INSL6: variants seen among roughly 807,000 people sequenced by gnomAD.
INSL6 encodes the protein insulin-like peptide INSL6.
INSL6 carries 16 observed loss-of-function variants against 9.4 expected under a neutral mutation model. That is an observed-to-expected ratio of 1.70 (90% CI 1.15 to 2.59). INSL6 has a LOEUF of 2.59. Among genes scored for constraint, INSL6 ranks in the 30% most tolerant of loss-of-function variants. The pLI, the probability that INSL6 is intolerant of heterozygous loss-of-function variation, is 0.00. For missense variants in INSL6, 391 were observed against 257.3 expected, an observed-to-expected ratio of 1.52 and a Z score of -3.56; for synonymous variants, 154 against 96.9, an observed-to-expected ratio of 1.59 and a Z score of -3.46.
chr9:5,130,817 C>T (rs375204625), intron 3 of INSL6, among the ~76,000 whole-genome samples: 137 of 151,584 alleles, frequency 9.0e-4, no homozygotes, highest in African/African-American at 3.3e-3. Context: ...CAAGCTCCGC[C>T]TCCCGGGTTC....
At chr9:5,053,071 C>T in the INSL6 span, among the ~76,000 whole-genome samples, 4 of 152,060 alleles carry the variant, frequency 2.6e-5, no homozygotes, top group Non-Finnish European at 5.9e-5. Flanking sequence ...AACTGCTTAA[C>T]TTTTCAAAAG....
the INSL6 span, among the ~76,000 whole-genome samples, chr9:5,014,265 G>C: frequency 4.7e-5 from 7 of 149,236 alleles, no homozygotes; most frequent in Non-Finnish European, 1.0e-4. Flanking sequence ...TGGCTTCCCA[G>C]AGTGCAGGGA....
the INSL6 span, among the ~76,000 whole-genome samples, chr9:5,025,550 T>TTC: frequency 6.6e-6 from 1 of 151,734 alleles, no homozygotes; most frequent in Non-Finnish European, 1.5e-5. Flanking sequence ...TTTTTTTTTT[T>TTC]TGAGACTGAG....
chr9:5,185,261 G>C, intron 1 of INSL6, 53 bp downstream of exon 1: 1 of 1,609,910 alleles, frequency 6.2e-7, no homozygotes, highest in Non-Finnish European at 8.5e-7. Context: ...AGCAAATGCA[G>C]GAATAAGAAA....
At chr9:5,093,533 A>C in the INSL6 span, among the ~76,000 whole-genome samples, 1 of 152,202 alleles carries the variant, frequency 6.6e-6, no homozygotes, top group Non-Finnish European at 1.5e-5. Context: ...AGAAGACCCC[A>C]TGGCACTTTA....
chr9:5,004,074 A>C, the INSL6 span, among the ~76,000 whole-genome samples: 2 of 152,188 alleles, frequency 1.3e-5, no homozygotes, highest in Non-Finnish European at 2.9e-5. Context: ...ATATGTATAC[A>C]TTGCAGAATG....
At chr9:5,029,997 C>G in the INSL6 span, 12 of 1,110,872 alleles carry the variant, frequency 1.1e-5, no homozygotes, top group African/African-American at 1.3e-4. Flanking sequence ...TACTTAATAC[C>G]AGATACCTGA....
At chr9:5,158,060 G>A (rs1824850264) in intron 2 of INSL6, among the ~76,000 whole-genome samples, 1 of 152,144 alleles carries the variant, frequency 6.6e-6, no homozygotes, top group South Asian at 2.1e-4. Flanking sequence ...ACATACTGAA[G>A]ATTGCATCAG....
the INSL6 span, among the ~76,000 whole-genome samples, chr9:5,069,484 A>G: frequency 6.6e-6 from 1 of 152,176 alleles, no homozygotes; most frequent in Non-Finnish European, 1.5e-5. Context: ...TCACTACTAA[A>G]TTCTTATGTT....
At position 5,164,091 on chromosome 9, in the gene INSL6, A is replaced by G; in HGVS notation, c.464T>C (p.Ile155Thr). 1.2e-6 allele frequency: 2 copies of G among 1,613,252 alleles called. No individual in the cohort carries two copies. Among genetic ancestry groups the G allele is most frequent in the Non-Finnish European group, 1.7e-6 (2 of 1,179,766 alleles). Reference sequence around the variant, plus strand: ...CCAAAACAAATTGCTTAAGGTTTTAATTTTGTTTCTACGTTTCTTCTGAAA... The same window carrying G: ...CCAAAACAAATTGCTTAAGGTTTTAGTTTTGTTTCTACGTTTCTTCTGAAA... ...AKFQKKRRNK[I>T]KTLSNLFWGH... is the part of the protein sequence containing the mutation. The change falls in exon 2 of 2, where the codon ATT becomes ACT. Residue 155 changes from isoleucine to threonine, a missense_variant. Ile to Thr is a moderately conservative substitution (Grantham distance 89). Transcript: ENST00000381641.
At chr9:5,039,152 G>A in the INSL6 span, among the ~76,000 whole-genome samples, 1 of 152,008 alleles carries the variant, frequency 6.6e-6, no homozygotes, top group Non-Finnish European at 1.5e-5. Context: ...GTAGATTCAG[G>A]GTAGGGAAAT....
At chr9:5,029,452 A>T in the INSL6 span, among the ~76,000 whole-genome samples, 2 of 152,244 alleles carry the variant, frequency 1.3e-5, no homozygotes, top group East Asian at 3.8e-4. Context: ...ACATAGGGAC[A>T]CAAAGTGAGC....
chr9:5,170,839 C>T lies in INSL6; in HGVS notation c.290-6574G>A, dbSNP rs373309848. On this transcript the variant is annotated intron_variant, in intron 1 of 1. Transcript: ENST00000381641. ...CTAATAACAAGTTCTGAAATTGAGG[C>T]AGTAATAAATAGTCTACCAACCAAA... Among the ~76,000 whole-genome samples the T allele has an allele frequency of 1.1e-4, 17 of 152,206 alleles. No individual in the cohort carries two copies. In the East Asian group the frequency reaches 2.5e-3, roughly 22 times the overall value.
At chr9:5,115,342 A>G in the INSL6 span, among the ~76,000 whole-genome samples, 1 of 152,332 alleles carries the variant, frequency 6.6e-6, no homozygotes, top group East Asian at 1.9e-4. Flanking sequence ...AGAGAAATGC[A>G]AATCAAAACC....
downstream of INSL6, among the ~76,000 whole-genome samples, chr9:5,120,417 G>C (rs1230942495): frequency 6.6e-6 from 1 of 152,168 alleles, no homozygotes; most frequent in Non-Finnish European, 1.5e-5. Context: ...TTTTGCCCAT[G>C]ATATCATTTT....
the INSL6 span, among the ~76,000 whole-genome samples, chr9:5,081,276 A>G: frequency 4.0e-5 from 6 of 151,600 alleles, no homozygotes; most frequent in African/African-American, 1.5e-4. Context: ...TTTTGCTTAA[A>G]TTGACTTTTA....
the INSL6 span, among the ~76,000 whole-genome samples, chr9:5,037,023 A>T: frequency 6.6e-6 from 1 of 152,206 alleles, no homozygotes; most frequent in Non-Finnish European, 1.5e-5. Context: ...CAAGAAAACA[A>T]CAACCCCATC....
At chr9:5,100,208 T>G in the INSL6 span, 1 of 152,198 alleles carries the variant, frequency 6.6e-6, no homozygotes, top group African/African-American at 2.4e-5. Context: ...ACACTACTAG[T>G]AAGCCTTTAT....
At chr9:5,176,304 T>C (rs997308042) in intron 1 of INSL6, among the ~76,000 whole-genome samples, 6 of 152,214 alleles carry the variant, frequency 3.9e-5, no homozygotes, top group African/African-American at 1.2e-4. Flanking sequence ...TTTAATACTA[T>C]ACCCCACCTT....
Sources: allele counts gnomAD v4.1 joint callset (sites outside exome capture counted in the v4.1 genomes callset), GRCh38; gene constraint gnomAD v4.1.1; transcripts MANE v1.5; gene names NCBI Gene and HGNC (gene_info 2026-07-23, HGNC 2026-07-21).